The following ZNF383 variants were observed in gnomAD, a reference collection of about 807,000 sequenced individuals.
ZNF383 encodes zinc finger protein 383.
Under a neutral mutation model 44.2 loss-of-function variants are expected in ZNF383, and 32 were observed. The observed-to-expected ratio is 0.72, with a 90% CI of 0.55 to 0.97. The LOEUF is 0.97. Among genes scored for constraint, ZNF383 ranks in the 50% least tolerant of loss-of-function variants. ZNF383 has a pLI of 0.00. For missense variants in ZNF383, 487 were observed against 562.5 expected (o/e 0.87, Z 1.36); for synonymous variants, 155 against 186.2 (o/e 0.83, Z 1.36).
rs760957698 is a variant in ZNF383 at position 37,244,764 on chromosome 19, T to A, written c.*1100T>A. The A allele has an allele frequency of 6.6e-6, 1 of 152,228 alleles. No individual in the cohort carries two copies. The highest frequency in any genetic ancestry group is 1.5e-5 in the Non-Finnish European group (1 of 68,036). The allele number at this position is 152,228 out of a possible 1,614,324, so 9.4% of individuals were successfully genotyped here. A position where few individuals can be genotyped will look rare whatever the true frequency, so the allele number is the denominator to read the frequency against. On this transcript the variant is annotated 3_prime_UTR_variant, in exon 6 of 6. Coordinates refer to ENST00000684119, the MANE Select transcript of ZNF383 (RefSeq NM_001387601.1). ...CAAACTAAAAAGCCAAAATTAATTG[T>A]AATCATACTTATAGATGGCTGCTCT...
At chr19:37,238,155 G>A (rs564932055) in intron 5 of ZNF383, among the ~76,000 whole-genome samples, 5 of 151,998 alleles carry the variant, frequency 3.3e-5, no homozygotes, top group Non-Finnish European at 5.9e-5. Context: ...GAGCCACTGT[G>A]TCTGGCCCCC....
rs1972765647 is a variant in ZNF383, at chr19:37,218,284, T to C, written c.-168+10T>C. On this transcript the variant is annotated intron_variant, in intron 1 of 5. Transcript: ENST00000684119. The stretch of plus-strand genomic sequence containing the variant: ...CGGCTGGGGCCCGCAGGTACGTGCA[T>C]GGGAGTTTGAAGGGACTGACCAGGC... 1 of 152,142 alleles carries C rather than the reference T, an allele frequency of 6.6e-6. No individual in the cohort carries two copies. The highest frequency in any genetic ancestry group is 2.4e-5 in the African/African-American group (1 of 41,270). The allele number at this position is 152,142 out of a possible 1,614,324, so 9.4% of individuals were successfully genotyped here. A position where few individuals can be genotyped will look rare whatever the true frequency, so the allele number is the denominator to read the frequency against.
At position 37,243,141 on chromosome 19, in the gene ZNF383, G is replaced by A. The variant is rs765907088; in HGVS notation, c.905G>A (p.Arg302Gln). ...AGCTCACAACTTTTTCAGCATGCAC[G>A]AATTCATACAGGTGAGAAACCCTAT... is the stretch of plus-strand genomic sequence containing the variant. ...TKSSQLFQHA[R>Q]IHTGEKPYEC... is the part of the protein sequence containing the mutation. Residue 302 changes from arginine (R) to glutamine (Q), a missense_variant, in exon 6 of 6, where the codon CGA becomes CAA. By Grantham distance (43) the Arg-to-Gln change is conservative (BLOSUM62 1). Transcript: ENST00000684119. 5 of 1,614,104 alleles carry A rather than the reference G, an allele frequency of 3.1e-6. No homozygotes were observed. The highest frequency in any genetic ancestry group is 1.3e-5 in the African/African-American group (1 of 75,046).
chr19:37,222,193 TG>T (rs1026813397), intron 1 of ZNF383, among the ~76,000 whole-genome samples: 67 of 152,100 alleles, frequency 4.4e-4, no homozygotes, highest in African/African-American at 1.6e-3. Context: ...CAGTTTCACT[TG>T]GAGATGATGC....
chr19:37,229,370 G>A (rs1480516241), intron 2 of ZNF383, among the ~76,000 whole-genome samples: 3 of 149,356 alleles, frequency 2.0e-5, no homozygotes, highest in East Asian at 3.9e-4. Flanking sequence ...TGTTGATCAG[G>A]CTGGTCTCGA....
At chr19:37,241,925 T>C (rs1443500315) in intron 5 of ZNF383, among the ~76,000 whole-genome samples, 1 of 148,084 alleles carries the variant, frequency 6.8e-6, no homozygotes, top group Non-Finnish European at 1.5e-5. Context: ...CATACTTATA[T>C]AGATATATGT....
Position 37,246,360 on chromosome 19 carries a change from A to G in ZNF383, c.*2696A>G, listed in dbSNP as rs1027283402. 1.3e-5 allele frequency: 2 copies of G among 152,246 alleles called. No individual in the cohort carries two copies. Among genetic ancestry groups the G allele is most frequent in the African/African-American group, 2.4e-5 (1 of 41,462 alleles). 9.4% of individuals were successfully genotyped at this position (152,246 alleles called of 1,614,324 possible). ...TGGTGGAAAAAGAGAAACACTTGTA[A>G]TGAGTATAACGAAGCCTTTCCCTAT... is the stretch of plus-strand genomic sequence containing the variant. On this transcript the variant is annotated 3_prime_UTR_variant, in exon 6 of 6. Transcript: ENST00000684119.
Position 37,245,429 on chromosome 19 carries a change from G to C in ZNF383, c.*1765G>C, listed in dbSNP as rs1599812829. ...CAATGCCATACTAGAAAGTAACACT[G>C]TTATGAAAGTGTTATTTATCAATCC... On this transcript the variant is annotated 3_prime_UTR_variant, in exon 6 of 6. Transcript: ENST00000684119. The C allele has an allele frequency of 6.6e-6, 1 of 151,456 alleles. No homozygotes were observed. The highest frequency in any genetic ancestry group is 1.9e-4 in the East Asian group (1 of 5,164). The allele number at this position is 151,456 out of a possible 1,614,324, so 9.4% of individuals were successfully genotyped here. A position where few individuals can be genotyped will look rare whatever the true frequency, so the allele number is the denominator to read the frequency against.
intron 1 of ZNF383, among the ~76,000 whole-genome samples, chr19:37,222,195 G>C (rs1972957180): frequency 6.6e-6 from 1 of 151,430 alleles, no homozygotes; most frequent in Non-Finnish European, 1.5e-5. Flanking sequence ...GTTTCACTTG[G>C]AGATGATGCT....
intron 5 of ZNF383, among the ~76,000 whole-genome samples, chr19:37,236,399 C>CT (rs1044272505): frequency 2.7e-4 from 40 of 146,732 alleles, no homozygotes; most frequent in Non-Finnish European, 5.1e-4. Context: ...CTTTTTTTTT[C>CT]TTTTTTTTTA....
intron 1 of ZNF383, among the ~76,000 whole-genome samples, chr19:37,222,212 C>T (rs1472188897): frequency 6.6e-6 from 1 of 150,968 alleles, no homozygotes; most frequent in Non-Finnish European, 1.5e-5. Context: ...TGCTTGGCTT[C>T]TTTTGCTCAA....
chr19:37,243,672 T>A lies in ZNF383; in HGVS notation c.*8T>A. 6.8e-7 allele frequency: 1 copy of A among 1,477,780 alleles called. No homozygotes were observed. The highest frequency in any genetic ancestry group is 9.0e-7 in the Non-Finnish European group (1 of 1,107,314). 91.5% of individuals were successfully genotyped at this position (1,477,780 alleles called of 1,614,324 possible). On this transcript the variant is annotated 3_prime_UTR_variant, in exon 6 of 6. Transcript: ENST00000684119. ...ATTCATACTAATAAATAATAAAAAT[T>A]AAAGCCCCTGTCACCTTCCTCATAT...
chr19:37,237,008 C>A (rs1393523717), intron 5 of ZNF383, among the ~76,000 whole-genome samples: 1 of 151,658 alleles, frequency 6.6e-6, no homozygotes, highest in Non-Finnish European at 1.5e-5. Flanking sequence ...GACACACACA[C>A]ACACACCCCT....
At position 37,236,067 on chromosome 19, in the gene ZNF383, G is replaced by A; in HGVS notation, c.225G>A (p.Leu75=). Residue 75 remains leucine (L), a synonymous_variant, in exon 5 of 6, where the codon CTG becomes CTA. Coordinates refer to ENST00000684119, the MANE Select transcript of ZNF383 (RefSeq NM_001387601.1). ...WMVGRELTRG[L]CSDLESMCET... ...TTGGCAGAGAGCTTACAAGAGGCCTGTGTTCAGGTAAGTGAGAAATGACCG... is the reference window on the plus strand; with the variant it reads ...TTGGCAGAGAGCTTACAAGAGGCCTATGTTCAGGTAAGTGAGAAATGACCG... 6.2e-7 allele frequency: 1 copy of A among 1,613,088 alleles called. No individual in the cohort carries two copies. Among genetic ancestry groups the A allele is most frequent in the Non-Finnish European group, 8.5e-7 (1 of 1,179,452 alleles).
intron 5 of ZNF383, among the ~76,000 whole-genome samples, chr19:37,241,965 A>T (rs1179540730): frequency 7.0e-6 from 1 of 143,782 alleles, no homozygotes; most frequent in Non-Finnish European, 1.5e-5. Context: ...AAGTATATAT[A>T]TACTATATAG....
At position 37,241,927 on chromosome 19, in the gene ZNF383, G is replaced by GAT. The variant is rs1048523754; in HGVS notation, c.233-537_233-536dup. ...TTATGTACACACGCATACTTATATA[G>GAT]ATATATGTATATCATATATATCTAT... On this transcript the variant is annotated intron_variant, in intron 5 of 5. Transcript: ENST00000684119. Among the ~76,000 whole-genome samples, 31 of 146,414 alleles carry GAT rather than the reference G, an allele frequency of 2.1e-4. No homozygotes were observed. In the South Asian group the frequency reaches 2.4e-3, roughly 11 times the overall value.
chr19:37,219,277 CG>C (rs1972808980), intron 1 of ZNF383: 1 of 152,978 alleles, frequency 6.5e-6, no homozygotes, highest in African/African-American at 2.4e-5. Flanking sequence ...TGTTTTAAGG[CG>C]GAGTTTCGCT....
At position 37,243,426 on chromosome 19, in the gene ZNF383, T is replaced by G. The variant is rs1464757549; in HGVS notation, c.1190T>G (p.Leu397Arg). 2 of 1,612,634 alleles carry G rather than the reference T, an allele frequency of 1.2e-6. No homozygotes were observed. Among genetic ancestry groups the G allele is most frequent in the African/African-American group, 2.7e-5 (2 of 74,512 alleles). ...IHAGEKPFEC[L>R]ECGKAFTQNS... ...GCTGGTGAGAAACCCTTTGAATGTC[T>G]TGAATGTGGGAAGGCCTTTACTCAG... is the stretch of plus-strand genomic sequence containing the variant. The change falls in exon 6 of 6, where the codon CTT becomes CGT. Residue 397 changes from leucine (L) to arginine (R), a missense_variant. Coordinates refer to ENST00000684119, the MANE Select transcript of ZNF383 (RefSeq NM_001387601.1).
chr19:37,247,108 A>G lies in ZNF383; in HGVS notation c.*3444A>G, dbSNP rs1012148914. ...ACCTGTGAGTGGCAGTAAAAGTTGT[A>G]TTGGAAGTTTTATAACCTAATATTT... On this transcript the variant is annotated 3_prime_UTR_variant, in exon 6 of 6. Coordinates refer to ENST00000684119, the MANE Select transcript of ZNF383 (RefSeq NM_001387601.1). 2 of 152,208 alleles carry G rather than the reference A, an allele frequency of 1.3e-5. No homozygotes were observed. The highest frequency in any genetic ancestry group is 4.8e-5 in the African/African-American group (2 of 41,462). The allele number at this position is 152,208 out of a possible 1,614,324, so 9.4% of individuals were successfully genotyped here.
Sources: allele counts gnomAD v4.1 joint callset (sites outside exome capture counted in the v4.1 genomes callset), GRCh38; gene constraint gnomAD v4.1.1; transcripts MANE v1.5; gene names NCBI Gene and HGNC (gene_info 2026-07-23, HGNC 2026-07-21).